Variants in LRP1B observed in about 807,000 individuals in gnomAD.
LRP1B encodes LDL receptor related protein 1B, also known as low-density lipoprotein receptor-related protein 1B.
LRP1B carries 217 observed loss-of-function variants against 556.6 expected under a neutral mutation model. That is an observed-to-expected ratio of 0.39 (90% CI 0.35 to 0.44). The LOEUF is 0.44. Among genes scored for constraint, LRP1B ranks in the 20% least tolerant of loss-of-function variants. The pLI, the probability that LRP1B is intolerant of heterozygous loss-of-function variation, is 1.00. For synonymous variants in LRP1B, 2,047 were observed against 1,865.8 expected (o/e 1.10, Z -2.50); for missense variants, 5,053 against 5,620.8 (o/e 0.90, Z 3.23).
At chr2:140,843,252 T>C (rs1004684880) in intron 29 of LRP1B, among the ~76,000 whole-genome samples, 2 of 152,012 alleles carry the variant, frequency 1.3e-5, no homozygotes, top group Non-Finnish European at 2.9e-5. Flanking sequence ...GCTATAAATA[T>C]CTATCTAGTC....
Position 142,036,086 on chromosome 2 carries a change from A to G in LRP1B, c.82+94562T>C, listed in dbSNP as rs142557525. Reference sequence around the variant, plus strand: ...ATTAAACCTTTCTCTTCCCAGTCTTAGGTATGTCTTAATCAGCAGCATAAA... The same window carrying G: ...ATTAAACCTTTCTCTTCCCAGTCTTGGGTATGTCTTAATCAGCAGCATAAA... On this transcript the variant is annotated intron_variant, in intron 1 of 90. Coordinates refer to ENST00000389484, the MANE Select transcript of LRP1B (RefSeq NM_018557.3). Among the ~76,000 whole-genome samples the G allele has an allele frequency of 6.5e-3, 991 of 151,822 alleles. 12 individuals are homozygous for G. Among genetic ancestry groups the G allele is most frequent in the African/African-American group, 0.022 (897 of 41,468 alleles).
chr2:141,891,077 C>T (rs1407894551), intron 1 of LRP1B, among the ~76,000 whole-genome samples: 1 of 152,118 alleles, frequency 6.6e-6, no homozygotes, highest in Non-Finnish European at 1.5e-5. Context: ...ATCTAACCTT[C>T]TCCACTTTAC....
chr2:141,899,428 TG>T (rs1699553126), intron 1 of LRP1B, among the ~76,000 whole-genome samples: 1 of 152,166 alleles, frequency 6.6e-6, no homozygotes, highest in African/African-American at 2.4e-5. Context: ...ATCATACACC[TG>T]TCTCTTTGCC....
intron 2 of LRP1B, among the ~76,000 whole-genome samples, chr2:141,565,722 A>G (rs1317550619): frequency 6.6e-6 from 1 of 152,256 alleles, no homozygotes; most frequent in East Asian, 1.9e-4. Context: ...AAGGATAAAC[A>G]GAACCCAAGA....
At chr2:140,942,394 C>T (rs1395867994) in intron 20 of LRP1B, among the ~76,000 whole-genome samples, 3 of 152,028 alleles carry the variant, frequency 2.0e-5, no homozygotes, top group Non-Finnish European at 2.9e-5. Flanking sequence ...AAAATTTCCC[C>T]AATCTTACAA....
At chr2:140,457,679 T>C in intron 60 of LRP1B, 28 bp from the exon 61 acceptor site, 3 of 1,578,806 alleles carry the variant, frequency 1.9e-6, no homozygotes, top group Non-Finnish European at 2.6e-6. Flanking sequence ...AAGATTAATG[T>C]TCAGTCTTGG....
In LRP1B at chr2:141,284,031, A is replaced by G. The variant is rs528911943; in HGVS notation, c.344-29390T>C. On this transcript the variant is annotated intron_variant, in intron 3 of 90. Coordinates refer to ENST00000389484, the MANE Select transcript of LRP1B (RefSeq NM_018557.3). ...CACAGTCAGAGTTTTACAGAGTGCA[A>G]TGTTAGAAATAACCCTTGTGGAGAA... Among the ~76,000 whole-genome samples the G allele has an allele frequency of 2.0e-5, 3 of 152,300 alleles. No homozygotes were observed. In the South Asian group the frequency reaches 6.2e-4, roughly 32 times the overall value.
In LRP1B at chr2:140,356,405, T is replaced by G. The variant is rs548041638; in HGVS notation, c.11467A>C (p.Thr3823Pro). 8.7e-6 allele frequency: 14 copies of G among 1,610,254 alleles called. No homozygotes were observed. The highest frequency in any genetic ancestry group is 1.3e-5 in the African/African-American group (1 of 74,842). ...GDDAYCNQIK[T>P]SVFCRCKPGF... ...GGCTTACAGCGACAGAAAACAGATG[T>G]TTTTATTTGATTACAATATGCATCA... The change falls in exon 75 of 91, where the codon ACA (threonine) becomes CCA (proline). Residue 3823 changes from threonine (T) to proline (P), a missense_variant. Thr to Pro is a conservative substitution (Grantham distance 38, BLOSUM62 -1). Transcript: ENST00000389484.
At chr2:141,146,668 A>C (rs1036963230) in intron 7 of LRP1B, among the ~76,000 whole-genome samples, 1 of 152,206 alleles carries the variant, frequency 6.6e-6, no homozygotes, top group Non-Finnish European at 1.5e-5. Flanking sequence ...TACATATGAC[A>C]CGTACATGTG....
chr2:140,936,327 GAGACTCCGTCTCAAA>G (rs1287775494), intron 20 of LRP1B, among the ~76,000 whole-genome samples: 11 of 128,876 alleles, frequency 8.5e-5, no homozygotes, highest in Non-Finnish European at 1.6e-5. Flanking sequence ...TTGACAGAGG[GAGACTCCGTCTCAAA>G]AAAAAAAAAA....
intron 7 of LRP1B, among the ~76,000 whole-genome samples, chr2:141,108,330 G>GTTTC: frequency 1.5e-5 from 1 of 66,618 alleles, no homozygotes; most frequent in East Asian, 3.8e-4. Flanking sequence ...TTTATAATCT[G>GTTTC]TTTCTTTTTT....
intron 45 of LRP1B, among the ~76,000 whole-genome samples, chr2:140,537,242 T>C (rs1200254130): frequency 1.3e-5 from 2 of 148,480 alleles, no homozygotes; most frequent in Admixed American, 1.4e-4. Context: ...ATTATTATTA[T>C]TGTTTTTTAA....
chr2:141,902,345 T>C (rs1319509926), intron 1 of LRP1B, among the ~76,000 whole-genome samples: 1 of 151,950 alleles, frequency 6.6e-6, no homozygotes, highest in Non-Finnish European at 1.5e-5. Flanking sequence ...TTCTTTCTCC[T>C]GAAGTAGCAT....
chr2:141,656,733 C>T (rs982494079), intron 2 of LRP1B, among the ~76,000 whole-genome samples: 2 of 151,974 alleles, frequency 1.3e-5, no homozygotes, highest in Non-Finnish European at 2.9e-5. Context: ...GAGCTGAGAA[C>T]TTTGAACATT....
chr2:140,948,435 C>T (rs760467179), intron 20 of LRP1B, among the ~76,000 whole-genome samples: 22 of 152,060 alleles, frequency 1.4e-4, no homozygotes, highest in Non-Finnish European at 3.1e-4. Flanking sequence ...AGTTCTAGCT[C>T]ATATATACTC....
intron 35 of LRP1B, among the ~76,000 whole-genome samples, chr2:140,754,556 C>T (rs1688681967): frequency 6.6e-6 from 1 of 151,946 alleles, no homozygotes; most frequent in Admixed American, 6.6e-5. Flanking sequence ...GGAAATTCTA[C>T]AACACATTCT....
chr2:141,761,041 T>C (rs532016915), intron 2 of LRP1B, among the ~76,000 whole-genome samples: 3 of 152,302 alleles, frequency 2.0e-5, no homozygotes, highest in South Asian at 4.1e-4. Context: ...ACAGACTGAG[T>C]GATCCTGAAA....
At chr2:141,762,438 T>C (rs1321452881) in intron 2 of LRP1B, among the ~76,000 whole-genome samples, 6 of 152,214 alleles carry the variant, frequency 3.9e-5, no homozygotes, top group Non-Finnish European at 8.8e-5. Context: ...ATTTTGTAGA[T>C]GCTTTACATA....
chr2:140,691,971 TACC>T (rs1686259214), intron 41 of LRP1B, among the ~76,000 whole-genome samples: 1 of 152,126 alleles, frequency 6.6e-6, no homozygotes, highest in African/African-American at 2.4e-5. Context: ...GTTCTCTCAA[TACC>T]ATTTCTTTTT....
Sources: gnomAD v4.1 joint callset for allele counts (sites outside exome capture counted in the v4.1 genomes callset) on GRCh38, gnomAD v4.1.1 for gene constraint, MANE v1.5 for transcripts, NCBI Gene and HGNC (gene_info 2026-07-23, HGNC 2026-07-21) for gene names.